CRYBG1: variants seen among roughly 807,000 people sequenced by gnomAD.
The protein encoded by CRYBG1 is crystallin beta-gamma domain containing 1.
Under a neutral mutation model 189.2 loss-of-function variants are expected in CRYBG1, and 139 were observed. That is an observed-to-expected ratio of 0.73 (90% confidence interval 0.64 to 0.85). The LOEUF is 0.85. Ranked by LOEUF, CRYBG1 falls within the 40% of genes least tolerant of loss-of-function variation. The pLI, the probability that CRYBG1 is intolerant of heterozygous loss-of-function variation, is 0.00. For missense variants in CRYBG1, 2,611 were observed against 2,675.8 expected, an observed-to-expected ratio of 0.98 and a Z score of 0.53; for synonymous variants, 1,023 against 1,017.1, an observed-to-expected ratio of 1.01 and a Z score of -0.11.
chr6:106,492,448 T>C (rs746880811), intron 2 of CRYBG1, among the ~76,000 whole-genome samples: 8 of 151,972 alleles, frequency 5.3e-5, no homozygotes, highest in Admixed American at 2.6e-4. Flanking sequence ...ATTATAAGGG[T>C]TTTATCTGCT....
chr6:106,414,352 T>G (rs773028379), intron 1 of CRYBG1, among the ~76,000 whole-genome samples: 15 of 152,270 alleles, frequency 9.9e-5, no homozygotes, highest in East Asian at 1.9e-4. Flanking sequence ...TGGATTGGCC[T>G]TGGCCAGAGG....
intron 15 of CRYBG1, among the ~76,000 whole-genome samples, chr6:106,552,653 A>T (rs1200473094): frequency 1.3e-5 from 2 of 148,448 alleles, no homozygotes; most frequent in African/African-American, 2.5e-5. Flanking sequence ...ACTCATTTTT[A>T]TGCCTGAAAG....
At chr6:106,457,988 T>C (rs1355762082) in intron 2 of CRYBG1, among the ~76,000 whole-genome samples, 1 of 152,230 alleles carries the variant, frequency 6.6e-6, no homozygotes, top group African/African-American at 2.4e-5. Context: ...TAAAAACTAA[T>C]AATAATTACA....
intron 2 of CRYBG1, among the ~76,000 whole-genome samples, chr6:106,495,534 G>T (rs1772827625): frequency 7.1e-6 from 1 of 140,954 alleles, no homozygotes; most frequent in South Asian, 2.2e-4. Flanking sequence ...TGGTAGTTTT[G>T]GGGGGGCTCA....
In CRYBG1 at chr6:106,482,571, C is replaced by G. The variant is rs148299806; in HGVS notation, c.313-28859C>G. On this transcript the variant is annotated intron_variant, in intron 2 of 21. Coordinates refer to ENST00000633556, the MANE Select transcript of CRYBG1 (RefSeq NM_001371242.2). ...GGGGTGAATCACAAGGTCAGGAGAT[C>G]GAGACCATCCTGGCTAACACCGTGA... 3.7e-3 allele frequency among the ~76,000 whole-genome samples: 561 copies of G among 152,104 alleles called. 3 individuals are homozygous for G. The highest frequency in any genetic ancestry group is 0.024 in the Middle Eastern group (7 of 294).
chr6:106,451,107 GA>G (rs1358734455), intron 1 of CRYBG1, among the ~76,000 whole-genome samples: 2 of 152,206 alleles, frequency 1.3e-5, no homozygotes, highest in African/African-American at 2.4e-5. Flanking sequence ...GGGGAGGTGG[GA>G]GAACAGTGAA....
chr6:106,372,580 T>C (rs140097993), intron 1 of CRYBG1, among the ~76,000 whole-genome samples: 4 of 152,338 alleles, frequency 2.6e-5, no homozygotes, highest in African/African-American at 9.6e-5. Flanking sequence ...TGGCAAAAAC[T>C]GCAATTACTT....
At chr6:106,446,432 G>A (rs1208653048) in intron 1 of CRYBG1, among the ~76,000 whole-genome samples, 4 of 152,124 alleles carry the variant, frequency 2.6e-5, no homozygotes, top group Non-Finnish European at 5.9e-5. Flanking sequence ...ACAACTCTGA[G>A]GCTCAGTTGA....
chr6:106,424,837 T>C (rs1771196547), intron 1 of CRYBG1, among the ~76,000 whole-genome samples: 1 of 152,118 alleles, frequency 6.6e-6, no homozygotes, highest in African/African-American at 2.4e-5. Flanking sequence ...AAGTCCAGCC[T>C]CTCTGCACTC....
chr6:106,550,914 A>G (rs1393500329), intron 13 of CRYBG1, among the ~76,000 whole-genome samples: 2 of 152,014 alleles, frequency 1.3e-5, no homozygotes, highest in East Asian at 3.8e-4. Flanking sequence ...AAGAAATAGT[A>G]TTTGATAAGC....
rs1165031323 is a variant in CRYBG1 at position 106,539,601 on chromosome 6, T to C, written c.4845+72T>C. 1.1e-5 allele frequency: 17 copies of C among 1,521,986 alleles called. No individual in the cohort carries two copies. In the East Asian group the frequency reaches 3.7e-4, roughly 34 times the overall value. The allele number at this position is 1,521,986 out of a possible 1,614,324, so 94.3% of individuals were successfully genotyped here. ...GACGTGGTAATTCACAGGGTGTGAC[T>C]TTGAAGCAATAAAGCTGACTTTTAA... On this transcript the variant is annotated intron_variant, in intron 9 of 21. Coordinates refer to ENST00000633556, the MANE Select transcript of CRYBG1 (RefSeq NM_001371242.2).
At chr6:106,521,711 CTTTTTTTTTTTTT>C (rs397976859) in intron 4 of CRYBG1, among the ~76,000 whole-genome samples, 1 of 72,170 alleles carries the variant, frequency 1.4e-5, no homozygotes, top group Non-Finnish European at 2.4e-5. Flanking sequence ...GGCACATGAT[CTTTTTTTTTTTTT>C]TTTTTTTTTT....
At chr6:106,483,402 AAAACATTTTC>A (rs1772518172) in intron 2 of CRYBG1, among the ~76,000 whole-genome samples, 7 of 88,286 alleles carry the variant, frequency 7.9e-5, no homozygotes, top group Non-Finnish European at 1.7e-4. Flanking sequence ...ATATATATAT[AAAACATTTTC>A]TTTATCTACT....
chr6:106,487,115 CA>C (rs1323532555), intron 2 of CRYBG1, among the ~76,000 whole-genome samples: 1 of 152,072 alleles, frequency 6.6e-6, no homozygotes, highest in Non-Finnish European at 1.5e-5. Context: ...GTGGGGTTAA[CA>C]AAACAAGTCT....
At chr6:106,556,010 A>C in intron 17 of CRYBG1, 113 bp downstream of exon 17, 1 of 1,198,404 alleles carries the variant, frequency 8.3e-7, no homozygotes, top group South Asian at 1.4e-5. Flanking sequence ...AAGGGCTTGG[A>C]GATGGAACTG....
chr6:106,554,479 T>C (rs1026338467), intron 16 of CRYBG1, among the ~76,000 whole-genome samples: 3 of 152,094 alleles, frequency 2.0e-5, no homozygotes, highest in African/African-American at 7.2e-5. Flanking sequence ...CCGGGCATGG[T>C]GACACACCTG....
intron 2 of CRYBG1, among the ~76,000 whole-genome samples, chr6:106,507,526 G>A (rs1157965514): frequency 6.6e-6 from 1 of 152,168 alleles, no homozygotes; most frequent in Non-Finnish European, 1.5e-5. Flanking sequence ...GGTCACTCAT[G>A]GCCTCTTTGC....
intron 18 of CRYBG1, among the ~76,000 whole-genome samples, chr6:106,559,052 A>G (rs1198886373): frequency 6.6e-6 from 1 of 152,202 alleles, no homozygotes; most frequent in Non-Finnish European, 1.5e-5. Flanking sequence ...GTAAGGGTTA[A>G]TAATTATGCA....
rs1470824864 is a variant in CRYBG1 at position 106,543,509 on chromosome 6, G to T, written c.4951G>T (p.Val1651Phe). The change falls in exon 11 of 22, where the codon GTC (valine) becomes TTC (phenylalanine). Residue 1651 changes from valine (V) to phenylalanine (F), a missense_variant. Physicochemically the swap from Val to Phe is conservative, Grantham distance 50 (BLOSUM62 -1). Around this residue, in one of 3 missense-constraint regions of CRYBG1, gnomAD observed 1,622 missense variants for 1,735.0 expected, o/e 0.93. Coordinates refer to ENST00000633556, the MANE Select transcript of CRYBG1 (RefSeq NM_001371242.2). ...VELETGMCSF[V>F]MEGGETEEAT... Reference sequence around the variant, plus strand: ...ACTAGAAACAGGAATGTGTAGTTTTGTCATGGAGGGAGGTGAAACAGAAGA... The same window carrying T: ...ACTAGAAACAGGAATGTGTAGTTTTTTCATGGAGGGAGGTGAAACAGAAGA... 3 of 1,614,086 alleles carry T rather than the reference G, an allele frequency of 1.9e-6. No homozygotes were observed. Among genetic ancestry groups the T allele is most frequent in the East Asian group, 2.2e-5 (1 of 44,876 alleles).
Sources: allele counts gnomAD v4.1 joint callset (sites outside exome capture counted in the v4.1 genomes callset), GRCh38; gene constraint gnomAD v4.1.1; regional missense constraint gnomAD v4.1.1; transcripts MANE v1.5; gene names NCBI Gene and HGNC (gene_info 2026-07-23, HGNC 2026-07-21).